The following SPDYE4 variants were observed in gnomAD, a reference collection of about 807,000 sequenced individuals.
The protein encoded by SPDYE4 is speedy protein E4.
SPDYE4 carries 30 observed loss-of-function variants against 37.5 expected under a neutral mutation model. The ratio of observed to expected loss-of-function variants is 0.80; its 90% CI spans 0.60 to 1.09. The LOEUF is 1.09. Among genes scored for constraint, SPDYE4 ranks in the 50% least tolerant of loss-of-function variants. The probability of loss-of-function intolerance (pLI) is 0.00; values close to 1 mark genes in which losing one functional copy is unlikely to be tolerated. For synonymous variants in SPDYE4, 131 were observed against 120.3 expected (o/e 1.09, Z -0.58); for missense variants, 300 against 307.9 (o/e 0.97, Z 0.19).
downstream of SPDYE4, among the ~76,000 whole-genome samples, chr17:8,748,100 C>G (rs527958379): frequency 6.6e-6 from 1 of 152,316 alleles, no homozygotes; most frequent in African/African-American, 2.4e-5. Context: ...CTGGGTCCCT[C>G]TCATGACATG....
chr17:8,758,248 A>G, intron 1 of SPDYE4, 26 bp downstream of exon 1: 1 of 1,500,380 alleles, frequency 6.7e-7, no homozygotes, highest in Non-Finnish European at 9.0e-7. Flanking sequence ...ATCATCTCCC[A>G]TCGCTTCTCC....
chr17:8,755,289 C>G (rs1444183400), intron 4 of SPDYE4: 2 of 489,386 alleles, frequency 4.1e-6, no homozygotes, highest in South Asian at 3.2e-5. Context: ...TTTCCTTTCC[C>G]CTTAGGACGG....
downstream of SPDYE4, among the ~76,000 whole-genome samples, chr17:8,749,874 T>TCTTC (rs1380802411): frequency 1.3e-5 from 2 of 152,248 alleles, no homozygotes; most frequent in African/African-American, 4.8e-5. Flanking sequence ...GGTCCTAGAA[T>TCTTC]GAAGGTAATC....
At position 8,751,636 on chromosome 17, in the gene SPDYE4, C is replaced by T. The variant is rs2086729106; in HGVS notation, c.*646G>A. On this transcript the variant is annotated 3_prime_UTR_variant, in exon 7 of 7. Coordinates refer to ENST00000689094, the MANE Select transcript of SPDYE4 (RefSeq NM_001394956.1). ...AGAAAACATTTACGATAAAAAGAAT[C>T]CTCTCTTAAAAATGAAAACTAAATT... is the stretch of plus-strand genomic sequence containing the variant. 6.6e-6 allele frequency among the ~76,000 whole-genome samples: 1 copy of T among 152,098 alleles called. No homozygotes were observed. Among genetic ancestry groups the T allele is most frequent in the African/African-American group, 2.4e-5 (1 of 41,428 alleles).
chr17:8,754,107 T>G (rs1162334183), intron 4 of SPDYE4, among the ~76,000 whole-genome samples: 1 of 152,206 alleles, frequency 6.6e-6, no homozygotes, highest in Non-Finnish European at 1.5e-5. Context: ...CTTCCCATCC[T>G]TCCTATTCCC....
rs1264661511 is a variant in SPDYE4 at position 8,755,539 on chromosome 17, T to C, written c.466A>G (p.Ile156Val). The C allele has an allele frequency of 1.9e-6, 3 of 1,611,806 alleles. No homozygotes were observed. Among genetic ancestry groups the C allele is most frequent in the South Asian group, 1.1e-5 (1 of 91,000 alleles). ...AGLFSWQYQR[I>V]HFFLALYLAS... ...ACTCACAGAGCCAGGAAGAAATGAA[T>C]GCGTTGGTATTGCCACGAGAAGAGG... Residue 156 changes from isoleucine (I) to valine (V), a missense_variant, in exon 4 of 7, where the codon ATT becomes GTT. Coordinates refer to ENST00000689094, the MANE Select transcript of SPDYE4 (RefSeq NM_001394956.1).
downstream of SPDYE4, among the ~76,000 whole-genome samples, chr17:8,750,183 G>A (rs1567539775): frequency 6.6e-6 from 1 of 152,062 alleles, no homozygotes; most frequent in Non-Finnish European, 1.5e-5. Flanking sequence ...GAGGTCAAGA[G>A]TTGGAGACCA....
chr17:8,758,225 C>T (rs774921127), intron 1 of SPDYE4, 49 bp downstream of exon 1: 19 of 1,427,920 alleles, frequency 1.3e-5, no homozygotes, highest in Non-Finnish European at 1.8e-5. Flanking sequence ...GCCCCCTTCC[C>T]TCTCCTCAGT....
rs930378649 is a variant in SPDYE4 at position 8,750,897 on chromosome 17, G to T, written c.*1385C>A. ...TCTTTATTGCATTTTCCCAGGTAGC[G>T]CAGTGCACTGTCCTCTTTGAAACAC... On this transcript the variant is annotated 3_prime_UTR_variant, in exon 7 of 7. Transcript: ENST00000689094. 6.6e-6 allele frequency among the ~76,000 whole-genome samples: 1 copy of T among 152,160 alleles called. No individual in the cohort carries two copies. The highest frequency in any genetic ancestry group is 2.4e-5 in the African/African-American group (1 of 41,424).
intron 5 of SPDYE4, 31 bp downstream of exon 5, chr17:8,753,290 C>T: frequency 1.4e-6 from 2 of 1,407,264 alleles, no homozygotes; most frequent in South Asian, 2.4e-5. Context: ...CATCCCTCCC[C>T]ACCCCCACCT....
Position 8,751,484 on chromosome 17 carries a change from C to A in SPDYE4, c.*798G>T, listed in dbSNP as rs1320270902. ...AACAGTAAACAGAAAATAAACATTTCTATTTGCAAGAATGTAGGGGAACTA... is the reference window on the plus strand; with the variant it reads ...AACAGTAAACAGAAAATAAACATTTATATTTGCAAGAATGTAGGGGAACTA... On this transcript the variant is annotated 3_prime_UTR_variant, in exon 7 of 7. Coordinates refer to ENST00000689094, the MANE Select transcript of SPDYE4 (RefSeq NM_001394956.1). Among the ~76,000 whole-genome samples, 1 of 152,054 alleles carries A rather than the reference C, an allele frequency of 6.6e-6. No homozygotes were observed. Among genetic ancestry groups the A allele is most frequent in the Non-Finnish European group, 1.5e-5 (1 of 67,996 alleles).
chr17:8,747,783 A>G (rs1175206380), downstream of SPDYE4, among the ~76,000 whole-genome samples: 3 of 152,236 alleles, frequency 2.0e-5, no homozygotes, highest in Admixed American at 6.5e-5. Context: ...ACTGCTGTGA[A>G]CTGAATCTGT....
chr17:8,755,665 T>C (rs2086766092), intron 3 of SPDYE4, 60 bp from the exon 4 acceptor site: 16 of 1,574,194 alleles, frequency 1.0e-5, no homozygotes, highest in Middle Eastern at 1.7e-4. Flanking sequence ...AAGAGGAAGA[T>C]GGTGGAGAGA....
Position 8,758,339 on chromosome 17 carries a change from G to A in SPDYE4, c.44C>T (p.Pro15Leu), listed in dbSNP as rs1296690243. 1 of 1,551,332 alleles carries A rather than the reference G, an allele frequency of 6.4e-7. No homozygotes were observed. Reference sequence around the variant, plus strand: ...GGACCGTACCGTTGTGCTAGGCTGGGGGCTCTCCTCCTCAAACGGGGGGCG... The same window carrying A: ...GGACCGTACCGTTGTGCTAGGCTGGAGGCTCTCCTCCTCAAACGGGGGGCG... Reference protein sequence around the residue: ...QARPPFEEESPQPSTTVRSPE... With the variant: ...QARPPFEEESLQPSTTVRSPE... Residue 15 changes from proline (P) to leucine (L), a missense_variant, in exon 1 of 7, where the codon CCC (proline) becomes CTC (leucine). Pro to Leu is a moderately conservative substitution (Grantham distance 98). Coordinates refer to ENST00000689094, the MANE Select transcript of SPDYE4 (RefSeq NM_001394956.1).
chr17:8,753,624 T>C (rs1030644747), intron 4 of SPDYE4, 135 bp from the exon 5 acceptor site: 32 of 1,066,964 alleles, frequency 3.0e-5, no homozygotes, highest in Middle Eastern at 3.1e-4. Context: ...GAGCCCTGCC[T>C]TCCTCAGGAG....
chr17:8,753,250 C>G, intron 5 of SPDYE4, 53 bp from the exon 6 acceptor site: 1 of 1,612,796 alleles, frequency 6.2e-7, no homozygotes, highest in Non-Finnish European at 8.5e-7. Flanking sequence ...GAAGCCCCCT[C>G]TCTGCCCTCC....
intron 1 of SPDYE4, 40 bp downstream of exon 1, chr17:8,758,234 G>C (rs748779636): frequency 2.7e-6 from 4 of 1,460,612 alleles, no homozygotes; most frequent in Non-Finnish European, 3.7e-6. Flanking sequence ...CCTCTCCTCA[G>C]TCAATCATCT....
chr17:8,758,028 G>A (rs369672267), intron 1 of SPDYE4, among the ~76,000 whole-genome samples: 19 of 152,022 alleles, frequency 1.2e-4, no homozygotes, highest in Non-Finnish European at 2.5e-4. Flanking sequence ...TGATCCGTCC[G>A]CCTCGGCCTT....
At chr17:8,757,638 T>TC in intron 1 of SPDYE4, 146 bp from the exon 2 acceptor site, 1 of 788,154 alleles carries the variant, frequency 1.3e-6, no homozygotes, top group Non-Finnish European at 2.0e-6. Flanking sequence ...CCTTTCTCCT[T>TC]TGCTGATCCC....
Sources: gnomAD v4.1 joint callset for allele counts (sites outside exome capture counted in the v4.1 genomes callset) on GRCh38, gnomAD v4.1.1 for gene constraint, MANE v1.5 for transcripts, NCBI Gene and HGNC (gene_info 2026-07-23, HGNC 2026-07-21) for gene names.